TXNIP: variants seen among roughly 807,000 people sequenced by gnomAD.
TXNIP encodes the protein thioredoxin interacting protein, also known as thioredoxin-interacting protein.
A neutral mutation model predicts 43.9 loss-of-function variants in TXNIP; 23 were observed. That is an observed-to-expected ratio of 0.52 (90% confidence interval 0.38 to 0.74). The LOEUF (loss-of-function observed/expected upper bound fraction) is 0.74. Among genes scored for constraint, TXNIP ranks in the 30% least tolerant of loss-of-function variants. The pLI, the probability that TXNIP is intolerant of heterozygous loss-of-function variation, is 0.00. For synonymous variants in TXNIP, 234 were observed against 172.2 expected (o/e 1.36, Z -2.81); for missense variants, 555 against 485.4 (o/e 1.14, Z -1.35).
rs1553765865 is a variant in TXNIP, at chr1:145,994,030, G to A, written c.1126C>T (p.Pro376Ser). 6.2e-6 allele frequency: 10 copies of A among 1,614,192 alleles called. No individual in the cohort carries two copies. The highest frequency in any genetic ancestry group is 7.6e-6 in the Non-Finnish European group (9 of 1,180,028). ...YAPEFKFMPPPTYTEVDPCIL... is the reference protein window; with the variant it reads ...YAPEFKFMPPSTYTEVDPCIL... The stretch of plus-strand genomic sequence containing the variant: ...ACAATCCTCACCTCAGTATAAGTCG[G>A]TGGTGGCATGAACTTGAACTCAGGG... Residue 376 changes from proline (P) to serine (S), a missense_variant, in exon 7 of 8, where the codon CCG (proline) becomes TCG (serine). Coordinates refer to ENST00000582401, the MANE Select transcript of TXNIP (RefSeq NM_006472.6).
At chr1:145,995,681 A>G in intron 1 of TXNIP, 1 of 631,484 alleles carries the variant, frequency 1.6e-6, no homozygotes, top group East Asian at 2.7e-5. Context: ...AAGCCCTGCA[A>G]TACTGAAAGA....
intron 3 of TXNIP, 54 bp from the exon 4 acceptor site, chr1:145,995,085 G>A (rs140348419): frequency 3.1e-6 from 5 of 1,613,360 alleles, no homozygotes; most frequent in Admixed American, 3.3e-5. Flanking sequence ...TAATGCCCAA[G>A]ACGTCTGATT....
In TXNIP at chr1:145,995,197, T is replaced by G. The variant is rs1553766281; in HGVS notation, c.418A>C (p.Lys140Gln). The G allele has an allele frequency of 6.2e-7, 1 of 1,614,024 alleles. No individual in the cohort carries two copies. Residue 140 changes from lysine (K) to glutamine (Q), a missense_variant, in exon 3 of 8, where the codon AAG (lysine) becomes CAG (glutamine). Coordinates refer to ENST00000582401, the MANE Select transcript of TXNIP (RefSeq NM_006472.6). ...DRPSQPTQETKKNFEVVDLVD... is the reference protein window; with the variant it reads ...DRPSQPTQETQKNFEVVDLVD... Reference sequence around the variant, plus strand: ...AGATCCACTACTTCAAAGTTTTTCTTTGTCTCTTGAGTTGGCTGGCTCGGG... The same window carrying G: ...AGATCCACTACTTCAAAGTTTTTCTGTGTCTCTTGAGTTGGCTGGCTCGGG...
intron 2 of TXNIP, 38 bp from the exon 3 acceptor site, chr1:145,995,329 A>C: frequency 6.2e-7 from 1 of 1,610,474 alleles, no homozygotes; most frequent in Non-Finnish European, 8.5e-7. Flanking sequence ...ACGCTCTCCA[A>C]GAACAGTAAG....
chr1:145,994,240 G>A lies in TXNIP; in HGVS notation c.988+41C>T, dbSNP rs201207978. ...GGACCATCACAATTTTACAAACCCA[G>A]GTAGACCAGAAACAAAGAAAAGACA... On this transcript the variant is annotated intron_variant, in intron 6 of 7. Coordinates refer to ENST00000582401, the MANE Select transcript of TXNIP (RefSeq NM_006472.6). 1.3e-3 allele frequency: 2,091 copies of A among 1,612,922 alleles called. 9 individuals carry two copies. Among genetic ancestry groups the A allele is most frequent in the Non-Finnish European group, 1.1e-3 (1,266 of 1,179,484 alleles).
Position 145,994,962 on chromosome 1 carries a change from A to T in TXNIP, c.541T>A (p.Ser181Thr). Residue 181 changes from serine (S) to threonine (T), a missense_variant, in exon 4 of 8, where the codon TCT (serine) becomes ACT (threonine). Physicochemically the swap from Ser to Thr is moderately conservative, Grantham distance 58. Transcript: ENST00000582401. Reference protein sequence around the residue: ...MFIPDGRVSVSARIDRKGFCE... With the variant: ...MFIPDGRVSVTARIDRKGFCE... Reference sequence around the variant, plus strand: ...AATCCTTTTCTGTCAATTCGAGCAGAGACAGACACCCGCCCATCAGGAATG... The same window carrying T: ...AATCCTTTTCTGTCAATTCGAGCAGTGACAGACACCCGCCCATCAGGAATG... 3.7e-6 allele frequency: 6 copies of T among 1,614,190 alleles called. No individual in the cohort carries two copies. The highest frequency in any genetic ancestry group is 5.1e-6 in the Non-Finnish European group (6 of 1,180,020).
rs1481205785 is a variant in TXNIP, at chr1:145,995,905, G to A, written c.250+112C>T. The A allele has an allele frequency of 3.8e-6, 5 of 1,306,160 alleles. No homozygotes were observed. In the South Asian group the frequency reaches 5.8e-5, roughly 15 times the overall value. 80.9% of individuals were successfully genotyped at this position (1,306,160 alleles called of 1,614,324 possible). A position where few individuals can be genotyped will look rare whatever the true frequency, so the allele number is the denominator to read the frequency against. ...AACAGAAAAAAGGAAGCAACAACAC[G>A]TAATTCAAACCACTCAAACTGAGCA... On this transcript the variant is annotated intron_variant, in intron 1 of 7. Transcript: ENST00000582401.
rs1553766090 is a variant in TXNIP, at chr1:145,994,633, C to T, written c.742G>A (p.Ala248Thr). 14 of 1,614,058 alleles carry T rather than the reference C, an allele frequency of 8.7e-6. No homozygotes were observed. Among genetic ancestry groups the T allele is most frequent in the South Asian group, 1.1e-5 (1 of 91,088 alleles). Residue 248 changes from alanine (A) to threonine (T), a missense_variant, in exon 5 of 8, where the codon GCA becomes ACA. By Grantham distance (58) the Ala-to-Thr change is moderately conservative. Coordinates refer to ENST00000582401, the MANE Select transcript of TXNIP (RefSeq NM_006472.6). The part of the protein sequence containing the change: ...RGNHIISGTC[A>T]SWRGKSLRVQ... ...CGAAGGCTCTTGCCACGCCATGATG[C>T]GCATGTCCCTGAGATAATATGATTG...
chr1:145,992,560 A>C lies in TXNIP; in HGVS notation c.*1291T>G, dbSNP rs1571014079. 1 of 152,674 alleles carries C rather than the reference A, an allele frequency of 6.5e-6. No individual in the cohort carries two copies. Among genetic ancestry groups the C allele is most frequent in the Non-Finnish European group, 1.5e-5 (1 of 68,050 alleles). 9.5% of individuals were successfully genotyped at this position (152,674 alleles called of 1,614,324 possible). A position where few individuals can be genotyped will look rare whatever the true frequency, so the allele number is the denominator to read the frequency against. ...CATACAAAAAGATACATAATACAAAAACATGAAACCAACCATCTTCAGCCC... is the reference window on the plus strand; with the variant it reads ...CATACAAAAAGATACATAATACAAACACATGAAACCAACCATCTTCAGCCC... On this transcript the variant is annotated 3_prime_UTR_variant, in exon 8 of 8. Transcript: ENST00000582401.
chr1:145,995,105 C>G (rs1353358980), intron 3 of TXNIP, 39 bp downstream of exon 3: 6 of 1,613,642 alleles, frequency 3.7e-6, no homozygotes, highest in Non-Finnish European at 5.1e-6. Flanking sequence ...TTATCATCCT[C>G]ATGACCCAGG....
chr1:145,995,656 G>A (rs897631293), intron 1 of TXNIP, 180 bp from the exon 2 acceptor site: 18 of 673,692 alleles, frequency 2.7e-5, no homozygotes, highest in Non-Finnish European at 2.0e-5. Flanking sequence ...GTATTTTGTC[G>A]GGCAGCAAGT....
In TXNIP at chr1:145,996,251, T is replaced by C. The variant is rs782203804; in HGVS notation, c.16A>G (p.Lys6Glu). The C allele has an allele frequency of 1.2e-6, 2 of 1,613,910 alleles. No individual in the cohort carries two copies. The highest frequency in any genetic ancestry group is 1.7e-6 in the Non-Finnish European group (2 of 1,180,010). The change falls in exon 1 of 8, where the codon AAG becomes GAG. Residue 6 changes from lysine (K) to glutamate (E), a missense_variant. Coordinates refer to ENST00000582401, the MANE Select transcript of TXNIP (RefSeq NM_006472.6). MVMFKKIKSFEVVFND... is the reference protein window; with the variant it reads MVMFKEIKSFEVVFND... ...AAGACCACCTCAAAAGACTTGATCT[T>C]CTTGAACATCACCATGATGGAACTG...
rs782667464 is a variant in TXNIP at position 145,993,558 on chromosome 1, GCCT to G, written c.*290_*292del. 3 of 311,020 alleles carry G rather than the reference GCCT, an allele frequency of 9.6e-6. No individual in the cohort carries two copies. Among genetic ancestry groups the G allele is most frequent in the Non-Finnish European group, 1.2e-5 (2 of 166,218 alleles). The allele number at this position is 311,020 out of a possible 1,614,324, so 19.3% of individuals were successfully genotyped here. A position where few individuals can be genotyped will look rare whatever the true frequency, so the allele number is the denominator to read the frequency against. The stretch of plus-strand genomic sequence containing the variant: ...TACCTGACCCGAAACTATCGAAAAG[GCCT>G]CAATTTTCAAGGAGATCTGAGAAAA... On this transcript the variant is annotated 3_prime_UTR_variant, in exon 8 of 8. Transcript: ENST00000582401.
rs191199120 is a variant in TXNIP at position 145,993,783 on chromosome 1, A to G, written c.*68T>C. ...TGCAGAGACTGTTGAGTCTCTGAAA[A>G]AGTGAGTGTCCAGGAAGAGAGACAA... On this transcript the variant is annotated 3_prime_UTR_variant, in exon 8 of 8. Coordinates refer to ENST00000582401, the MANE Select transcript of TXNIP (RefSeq NM_006472.6). The G allele has an allele frequency of 1.3e-6, 2 of 1,584,582 alleles. No homozygotes were observed. Among genetic ancestry groups the G allele is most frequent in the African/African-American group, 2.7e-5 (2 of 74,244 alleles).
In TXNIP at chr1:145,995,285, C is replaced by T; in HGVS notation, c.330G>A (p.Leu110=). 6.2e-7 allele frequency: 1 copy of T among 1,613,464 alleles called. No homozygotes were observed. Among genetic ancestry groups the T allele is most frequent in the South Asian group, 1.1e-5 (1 of 91,070 alleles). ...CATATTTTCCTTTGAAGGATGTTCC[C>T]AGAGGCCTGTGTCAAGAAAATGAAA... The part of the protein sequence containing the change: ...KFGFELPQGP[L]GTSFKGKYGC... The change falls in exon 3 of 8, where the codon CTG becomes CTA. Residue 110 remains leucine (L), a synonymous_variant. Transcript: ENST00000582401.
At position 145,995,469 on chromosome 1, in the gene TXNIP, A is replaced by G; in HGVS notation, c.258T>C (p.Asn86=). 3 of 1,598,438 alleles carry G rather than the reference A, an allele frequency of 1.9e-6. No individual in the cohort carries two copies. Among genetic ancestry groups the G allele is most frequent in the Non-Finnish European group, 2.6e-6 (3 of 1,165,806 alleles). ...LLLEDQPTGE[N]EMVIMRPGNK... is the part of the protein sequence containing the mutation. ...TTCCAGGTCTCATGATCACCATCTC[A>G]TTCTCACCTGAAGGGAAAGAAAATC... Residue 86 remains asparagine, a synonymous_variant, in exon 2 of 8, where the codon AAT becomes AAC. Transcript: ENST00000582401.
Position 145,993,839 on chromosome 1 carries a change from T to A in TXNIP, c.*12A>T. ...AACAAGTAGGTAAAGCTGCTTCTTT[T>A]CTTCCACATGCTCACTGCACATTGT... On this transcript the variant is annotated 3_prime_UTR_variant, in exon 8 of 8. Coordinates refer to ENST00000582401, the MANE Select transcript of TXNIP (RefSeq NM_006472.6). 6.2e-7 allele frequency: 1 copy of A among 1,614,106 alleles called. No individual in the cohort carries two copies. The highest frequency in any genetic ancestry group is 8.5e-7 in the Non-Finnish European group (1 of 1,179,998).
chr1:145,993,449 G>A lies in TXNIP; in HGVS notation c.*402C>T, dbSNP rs7211. On this transcript the variant is annotated 3_prime_UTR_variant, in exon 8 of 8. Transcript: ENST00000582401. Reference sequence around the variant, plus strand: ...AAATTGGCTCTTCTCCACATGATACGTAAGTTCAAGGTCCAAAGTTCCTAT... The same window carrying A: ...AAATTGGCTCTTCTCCACATGATACATAAGTTCAAGGTCCAAAGTTCCTAT... 31,711 of 164,592 alleles carry A rather than the reference G, an allele frequency of 0.19. 6,451 individuals carry two copies. The highest frequency in any genetic ancestry group is 0.52 in the African/African-American group (21,675 of 41,600). The allele number at this position is 164,592 out of a possible 1,614,324, so 10.2% of individuals were successfully genotyped here. A position where few individuals can be genotyped will look rare whatever the true frequency, so the allele number is the denominator to read the frequency against.
rs782186160 is a variant in TXNIP, at chr1:145,994,642, C to T, written c.733G>A (p.Gly245Arg). Residue 245 changes from glycine to arginine, a missense_variant, in exon 5 of 8, where the codon GGG becomes AGG. Gly to Arg is a moderately radical substitution (Grantham distance 125, BLOSUM62 -2). Transcript: ENST00000582401. ...TTGCCACGCCATGATGCGCATGTCC[C>T]TGAGATAATATGATTGCCTCTGACT... ...SSVRGNHIIS[G>R]TCASWRGKSL... 8 of 1,614,054 alleles carry T rather than the reference C, an allele frequency of 5.0e-6. No homozygotes were observed. The highest frequency in any genetic ancestry group is 5.9e-6 in the Non-Finnish European group (7 of 1,180,042).
Sources: allele counts gnomAD v4.1 joint callset, GRCh38; gene constraint gnomAD v4.1.1; transcripts MANE v1.5; gene names NCBI Gene and HGNC (gene_info 2026-07-23, HGNC 2026-07-21).